The following SBNO1 variants were observed in gnomAD, a reference collection of about 807,000 sequenced individuals.
SBNO1 encodes protein strawberry notch homolog 1.
A neutral mutation model predicts 173.6 loss-of-function variants in SBNO1; 23 were observed. That is an observed-to-expected ratio of 0.13 (90% CI 0.10 to 0.19). SBNO1 has a LOEUF of 0.19. Among genes scored for constraint, SBNO1 ranks in the 10% least tolerant of loss-of-function variants. SBNO1 has a pLI of 1.00. For missense variants in SBNO1, 1,238 were observed against 1,671.2 expected (o/e 0.74, Z 4.52); for synonymous variants, 632 against 571.5 (o/e 1.11, Z -1.51).
At position 123,291,720 on chromosome 12, in the gene SBNO1, G is replaced by C. The variant is rs1345209017; in HGVS notation, c.*4188C>G. ...AAAAAGTCATAAGATGCCCCATATG[G>C]GAAAGTCAAGAAAAGAATAAATAGA... On this transcript the variant is annotated 3_prime_UTR_variant, in exon 32 of 32. Transcript: ENST00000602398. 1.3e-5 allele frequency: 2 copies of C among 150,514 alleles called. No homozygotes were observed. Among genetic ancestry groups the C allele is most frequent in the Non-Finnish European group, 3.0e-5 (2 of 67,676 alleles). 9.3% of individuals were successfully genotyped at this position (150,514 alleles called of 1,614,324 possible). A position where few individuals can be genotyped will look rare whatever the true frequency, so the allele number is the denominator to read the frequency against.
At chr12:123,335,169 G>A (rs1341163538) in intron 6 of SBNO1, among the ~76,000 whole-genome samples, 2 of 152,182 alleles carry the variant, frequency 1.3e-5, no homozygotes, top group South Asian at 2.1e-4. Context: ...GCTGGGCATG[G>A]TGGCTCACGC....
At chr12:123,361,126 C>T (rs1328127406) in intron 1 of SBNO1, among the ~76,000 whole-genome samples, 1 of 152,170 alleles carries the variant, frequency 6.6e-6, no homozygotes, top group Non-Finnish European at 1.5e-5. Context: ...TGCCTGTAAT[C>T]CCAGCTACTT....
At chr12:123,362,971 C>T (rs1875552640) in intron 1 of SBNO1, among the ~76,000 whole-genome samples, 2 of 151,828 alleles carry the variant, frequency 1.3e-5, no homozygotes, top group Admixed American at 6.6e-5. Context: ...TCTGTAGTCC[C>T]AGCTACTCCG....
intron 28 of SBNO1, among the ~76,000 whole-genome samples, chr12:123,305,279 G>A (rs955933509): frequency 3.9e-5 from 6 of 152,132 alleles, no homozygotes; most frequent in African/African-American, 9.7e-5. Flanking sequence ...TGTCTACTCC[G>A]TCAGTACTGC....
intron 28 of SBNO1, among the ~76,000 whole-genome samples, chr12:123,305,940 GA>G (rs1356235868): frequency 2.0e-5 from 3 of 152,118 alleles, no homozygotes; most frequent in African/African-American, 7.2e-5. Flanking sequence ...GAAGGAAAAA[GA>G]AAAGTTTCAA....
At position 123,336,487 on chromosome 12, in the gene SBNO1, A is replaced by G. The variant is rs1199218621; in HGVS notation, c.656T>C (p.Val219Ala). 6.2e-7 allele frequency: 1 copy of G among 1,604,202 alleles called. No homozygotes were observed. Among genetic ancestry groups the G allele is most frequent in the South Asian group, 1.1e-5 (1 of 89,932 alleles). ...TTCATCATCTTCTTTTACAACAGGA[A>G]CCTTCTGCAACACAGAAAGAGCACA... is the stretch of plus-strand genomic sequence containing the variant. Reference protein sequence around the residue: ...KMRSFSPTMKVPVVKEDDEPE... With the variant: ...KMRSFSPTMKAPVVKEDDEPE... The change falls in exon 6 of 32, where the codon GTT becomes GCT. Residue 219 changes from valine to alanine, a missense_variant. Coordinates refer to ENST00000602398, the MANE Select transcript of SBNO1 (RefSeq NM_001167856.3).
intron 4 of SBNO1, 34 bp from the exon 5 acceptor site, chr12:123,341,122 A>G (rs1171653746): frequency 1.6e-6 from 2 of 1,236,784 alleles, no homozygotes; most frequent in African/African-American, 1.5e-5. Flanking sequence ...CATTTAGAAG[A>G]AAATTCTGAA....
At chr12:123,348,390 G>A (rs7971557) in intron 2 of SBNO1, among the ~76,000 whole-genome samples, 144,677 of 152,234 alleles carry the variant, frequency 0.95, 68,879 homozygotes, top group Non-Finnish European at 0.96. Flanking sequence ...TTGGGAGGCC[G>A]AGGTGGGCGG....
In SBNO1 at chr12:123,304,585, C is replaced by T; in HGVS notation, c.3765G>A (p.Lys1255=). The change falls in exon 29 of 32, where the codon AAG becomes AAA. Residue 1255 remains lysine (K), a synonymous_variant. Transcript: ENST00000602398. ...TAATGTACAAATGAAAAAATACCTT[C>T]TTATATTTCTTTTTTAGATCAGCAT... ...EIYADLKKKY[K]KVVSDDALMH... The T allele has an allele frequency of 6.5e-7, 1 of 1,542,662 alleles. No individual in the cohort carries two copies. Among genetic ancestry groups the T allele is most frequent in the Non-Finnish European group, 8.9e-7 (1 of 1,117,900 alleles).
chr12:123,327,623 T>C, intron 12 of SBNO1, 44 bp from the exon 13 acceptor site: 1 of 1,600,632 alleles, frequency 6.2e-7, no homozygotes, highest in Admixed American at 1.7e-5. Context: ...TACAGTAGAA[T>C]TTTAACATAC....
intron 1 of SBNO1, among the ~76,000 whole-genome samples, chr12:123,353,973 GC>G (rs543926813): frequency 4.6e-5 from 7 of 152,110 alleles, no homozygotes; most frequent in Non-Finnish European, 1.0e-4. Flanking sequence ...TATACACCAA[GC>G]CCTATCTAAT....
In SBNO1 at chr12:123,330,833, C is replaced by G. The variant is rs73423314; in HGVS notation, c.1044-324G>C. Among the ~76,000 whole-genome samples, 910 of 152,102 alleles carry G rather than the reference C, an allele frequency of 6.0e-3. 13 individuals are homozygous for G. The highest frequency in any genetic ancestry group is 0.021 in the African/African-American group (866 of 41,516). On this transcript the variant is annotated intron_variant, in intron 8 of 31. Transcript: ENST00000602398. Reference sequence around the variant, plus strand: ...GTCCCAGCTACTCAAGAGGCTGAGGCAGAACTGCTTGAGCCCCTGAGGTAG... The same window carrying G: ...GTCCCAGCTACTCAAGAGGCTGAGGGAGAACTGCTTGAGCCCCTGAGGTAG...
At chr12:123,336,074 C>T (rs1394308711) in intron 6 of SBNO1, among the ~76,000 whole-genome samples, 1 of 151,890 alleles carries the variant, frequency 6.6e-6, no homozygotes, top group African/African-American at 2.4e-5. Flanking sequence ...AAAAAAAGAA[C>T]CATGTTATAC....
chr12:123,323,682 T>C lies in SBNO1; in HGVS notation c.2123A>G (p.Lys708Arg), dbSNP rs377430140. 2 of 1,602,690 alleles carry C rather than the reference T, an allele frequency of 1.2e-6. No homozygotes were observed. Among genetic ancestry groups the C allele is most frequent in the Non-Finnish European group, 1.7e-6 (2 of 1,176,442 alleles). The change falls in exon 16 of 32, where the codon AAA becomes AGA. Residue 708 changes from lysine to arginine, a missense_variant and splice_region_variant. Transcript: ENST00000602398. ...TTTTTCTTTTTTAAAGTGCTCACCT[T>C]TCCGCTTCTTTATTTTATTTTCTTT... ...PCKENKIKKR[K>R]GEEITREAKK... is the part of the protein sequence containing the mutation.
At chr12:123,331,762 C>T (rs976466620) in intron 7 of SBNO1, among the ~76,000 whole-genome samples, 5 of 152,074 alleles carry the variant, frequency 3.3e-5, no homozygotes, top group South Asian at 2.1e-4. Flanking sequence ...CCTCGTGATC[C>T]GCCCGCCTCA....
chr12:123,359,222 C>T (rs976265283), intron 1 of SBNO1, among the ~76,000 whole-genome samples: 6 of 151,450 alleles, frequency 4.0e-5, no homozygotes, highest in African/African-American at 9.6e-5. Context: ...AGTGAGCCAC[C>T]GCACCCAGCC....
chr12:123,333,123 CAA>C (rs60476152), intron 7 of SBNO1, among the ~76,000 whole-genome samples: 5 of 150,496 alleles, frequency 3.3e-5, no homozygotes, highest in African/African-American at 9.8e-5. Context: ...GACTCCATCT[CAA>C]AAAAAAAAAA....
chr12:123,355,997 C>T (rs1257536019), intron 1 of SBNO1, among the ~76,000 whole-genome samples: 1 of 152,030 alleles, frequency 6.6e-6, no homozygotes, highest in East Asian at 1.9e-4. Context: ...AGAAAGTTAC[C>T]AAGGGGGACA....
chr12:123,340,252 T>C (rs950247884), intron 5 of SBNO1, among the ~76,000 whole-genome samples: 7 of 152,184 alleles, frequency 4.6e-5, no homozygotes, highest in African/African-American at 1.4e-4. Context: ...ATGGAATCAA[T>C]TGATCCAAAG....
Sources: gnomAD v4.1 joint callset for allele counts (sites outside exome capture counted in the v4.1 genomes callset) on GRCh38, gnomAD v4.1.1 for gene constraint, MANE v1.5 for transcripts, NCBI Gene and HGNC (gene_info 2026-07-23, HGNC 2026-07-21) for gene names.